The following ZNF28 variants were observed in gnomAD, a reference collection of about 807,000 sequenced individuals.
ZNF28 encodes zinc finger protein 28, also known as zinc finger protein KOX24.
Under a neutral mutation model 7.2 loss-of-function variants are expected in ZNF28, and 5 were observed. That is an observed-to-expected ratio of 0.70 (90% CI 0.36 to 1.46). The LOEUF (loss-of-function observed/expected upper bound fraction) is 1.46. Ranked by LOEUF, ZNF28 falls within the 40% of genes most tolerant of loss-of-function variation. The pLI, the probability that ZNF28 is intolerant of heterozygous loss-of-function variation, is 0.03. For missense variants in ZNF28, 879 were observed against 866.6 expected (o/e 1.01, Z -0.18); for synonymous variants, 288 against 292.4 (o/e 0.99, Z 0.15).
rs113446889 is a variant in ZNF28 at position 52,801,104 on chromosome 19, T to A, written c.741A>T (p.Val247=). 8.1e-6 allele frequency: 13 copies of A among 1,614,074 alleles called. No individual in the cohort carries two copies. In the African/African-American group the frequency reaches 1.6e-4, roughly 20 times the overall value. Residue 247 remains valine, a synonymous_variant, in exon 4 of 4, where the codon GTA becomes GTT. Coordinates refer to ENST00000457749, the MANE Select transcript of ZNF28 (RefSeq NM_006969.5). ...GCTTCTGATTAAATACCTTGCCATATACATCACATTTACATTGTTTCTCTT... is the reference window on the plus strand; with the variant it reads ...GCTTCTGATTAAATACCTTGCCATAAACATCACATTTACATTGTTTCTCTT... ...HLEEKQCKCD[V]YGKVFNQKRY...
intron 2 of ZNF28, among the ~76,000 whole-genome samples, chr19:52,809,449 GAAGAA>G (rs957551896): frequency 1.1e-3 from 161 of 152,182 alleles, no homozygotes; most frequent in African/African-American, 3.5e-3. Flanking sequence ...GGAACACAAA[GAAGAA>G]AATAGACACT....
chr19:52,817,229 G>A (rs2063138101), intron 2 of ZNF28, among the ~76,000 whole-genome samples: 2 of 152,136 alleles, frequency 1.3e-5, no homozygotes, highest in South Asian at 4.1e-4. Context: ...AAAATTAGCT[G>A]AGCATGGTGG....
intron 3 of ZNF28, 120 bp downstream of exon 3, chr19:52,807,887 G>A: frequency 6.7e-7 from 1 of 1,486,602 alleles, no homozygotes. Flanking sequence ...ACATCATGAA[G>A]CTTTTCATTT....
chr19:52,804,454 T>TC (rs1033530561), intron 3 of ZNF28, among the ~76,000 whole-genome samples: 1 of 152,098 alleles, frequency 6.6e-6, no homozygotes, highest in African/African-American at 2.4e-5. Context: ...CACTGCAACC[T>TC]CCACCTCCTG....
At chr19:52,819,330 TACAG>T (rs2063166120) in intron 1 of ZNF28, among the ~76,000 whole-genome samples, 2 of 144,352 alleles carry the variant, frequency 1.4e-5, no homozygotes, top group South Asian at 2.3e-4. Context: ...GATATTCTAA[TACAG>T]ACAAAGTCCT....
rs538695715 is a variant in ZNF28, at chr19:52,802,379, A to C, written c.143-677T>G. Reference sequence around the variant, plus strand: ...TGAGCCTCCATCTCAAAAAAACAAAAAAACAAACAACAAAAAAAGGCAGGG... The same window carrying C: ...TGAGCCTCCATCTCAAAAAAACAAACAAACAAACAACAAAAAAAGGCAGGG... On this transcript the variant is annotated intron_variant, in intron 3 of 3. Coordinates refer to ENST00000457749, the MANE Select transcript of ZNF28 (RefSeq NM_006969.5). Among the ~76,000 whole-genome samples, 239 of 33,094 alleles carry C rather than the reference A, an allele frequency of 7.2e-3. 1 individual carries two copies. Among genetic ancestry groups the C allele is most frequent in the African/African-American group, 0.025 (216 of 8,722 alleles). The allele number at this position is 33,094 out of a possible 152,430, so 21.7% of individuals were successfully genotyped here. A position where few individuals can be genotyped will look rare whatever the true frequency, so the allele number is the denominator to read the frequency against.
Position 52,801,131 on chromosome 19 carries a change from T to C in ZNF28, c.714A>G (p.Leu238=), listed in dbSNP as rs1332438251. The change falls in exon 4 of 4, where the codon TTA becomes TTG. Residue 238 remains leucine (L), a synonymous_variant. Transcript: ENST00000457749. The part of the protein sequence containing the change: ...SLLKKHQITH[L]EEKQCKCDVY... Reference sequence around the variant, plus strand: ...CATCACATTTACATTGTTTCTCTTCTAAGTGGGTTATCTGATGTTTTTTTA... The same window carrying C: ...CATCACATTTACATTGTTTCTCTTCCAAGTGGGTTATCTGATGTTTTTTTA... The C allele has an allele frequency of 1.1e-5, 17 of 1,614,144 alleles. No individual in the cohort carries two copies. Among genetic ancestry groups the C allele is most frequent in the Non-Finnish European group, 1.4e-5 (17 of 1,179,996 alleles).
rs561674495 is a variant in ZNF28 at position 52,810,496 on chromosome 19, A to G, written c.16-2363T>C. The G allele has an allele frequency of 4.5e-5, 71 of 1,586,006 alleles. 1 individual carries two copies. The South Asian group carries it at 7.4e-4, about 17-fold the overall frequency. The stretch of plus-strand genomic sequence containing the variant: ...CTTCCTTGGCCTTGGATGAGTCCCT[A>G]TTTAGAGGAAGGCAAATCAAGGTGA... On this transcript the variant is annotated intron_variant, in intron 2 of 3. Coordinates refer to ENST00000457749, the MANE Select transcript of ZNF28 (RefSeq NM_006969.5).
intron 2 of ZNF28, among the ~76,000 whole-genome samples, chr19:52,815,388 G>C (rs901616224): frequency 6.9e-6 from 1 of 145,024 alleles, no homozygotes; most frequent in African/African-American, 2.7e-5. Context: ...ATAGTGGCAA[G>C]CACCTGTAGT....
At position 52,816,288 on chromosome 19, in the gene ZNF28, G is replaced by C. The variant is rs139323356; in HGVS notation, c.15+1656C>G. Reference sequence around the variant, plus strand: ...AATCCCAACACTCTTGGGGGCTGAGGCAGGCAGACCACCTGAGGTTAGGAG... The same window carrying C: ...AATCCCAACACTCTTGGGGGCTGAGCCAGGCAGACCACCTGAGGTTAGGAG... On this transcript the variant is annotated intron_variant, in intron 2 of 3. Transcript: ENST00000457749. Among the ~76,000 whole-genome samples, 315 of 147,268 alleles carry C rather than the reference G, an allele frequency of 2.1e-3. 46 individuals carry two copies. Among genetic ancestry groups the C allele is most frequent in the African/African-American group, 7.9e-3 (303 of 38,204 alleles).
At chr19:52,817,508 A>C (rs978946950) in intron 2 of ZNF28, among the ~76,000 whole-genome samples, 2 of 152,208 alleles carry the variant, frequency 1.3e-5, no homozygotes, top group African/African-American at 4.8e-5. Context: ...GTATAAAATC[A>C]GGGAGAAAAG....
At chr19:52,808,567 G>C (rs939984662) in intron 2 of ZNF28, among the ~76,000 whole-genome samples, 5 of 151,458 alleles carry the variant, frequency 3.3e-5, no homozygotes, top group African/African-American at 1.2e-4. Flanking sequence ...CTGGGAGGCA[G>C]AGGTTGCAGA....
chr19:52,818,882 T>C (rs1257702281), intron 1 of ZNF28, among the ~76,000 whole-genome samples: 3 of 73,374 alleles, frequency 4.1e-5, no homozygotes, highest in African/African-American at 1.6e-4. Context: ...AGAGTCTGTT[T>C]GGGAAAAAAA....
intron 1 of ZNF28, among the ~76,000 whole-genome samples, chr19:52,821,008 C>T (rs770538222): frequency 1.3e-4 from 20 of 152,088 alleles, no homozygotes; most frequent in Non-Finnish European, 2.5e-4. Context: ...TGGAGCTGGG[C>T]GGGCAAGAAC....
At chr19:52,815,550 C>T (rs112041507) in intron 2 of ZNF28, among the ~76,000 whole-genome samples, 8 of 145,642 alleles carry the variant, frequency 5.5e-5, no homozygotes, top group South Asian at 2.3e-4. Context: ...ACTGTCTGGG[C>T]GTGGTGGCTC....
In ZNF28 at chr19:52,798,697, T is replaced by C; in HGVS notation, c.*991A>G. 1 of 452,500 alleles carries C rather than the reference T, an allele frequency of 2.2e-6. No individual in the cohort carries two copies. Among genetic ancestry groups the C allele is most frequent in the Admixed American group, 2.6e-5 (1 of 38,796 alleles). The allele number at this position is 452,500 out of a possible 1,614,324, so 28.0% of individuals were successfully genotyped here. On this transcript the variant is annotated 3_prime_UTR_variant, in exon 4 of 4. Transcript: ENST00000457749. ...AATCATGACATTTATAAGGTTTCTC[T>C]CCAGCATGAGTTCGATGATGAATAG...
At chr19:52,818,277 A>G (rs558232268) in intron 1 of ZNF28, among the ~76,000 whole-genome samples, 2 of 152,234 alleles carry the variant, frequency 1.3e-5, no homozygotes, top group East Asian at 3.9e-4. Context: ...TACCATAAAT[A>G]CAAAAACTTA....
At chr19:52,808,516 A>G (rs1209736803) in intron 2 of ZNF28, among the ~76,000 whole-genome samples, 2 of 152,150 alleles carry the variant, frequency 1.3e-5, no homozygotes, top group Non-Finnish European at 2.9e-5. Context: ...ACATGTCTGT[A>G]ATCCCAGCTA....
At chr19:52,810,496 ATT>A in intron 2 of ZNF28, 2 of 1,586,006 alleles carry the variant, frequency 1.3e-6, no homozygotes, top group Non-Finnish European at 1.7e-6. Context: ...ATGAGTCCCT[ATT>A]TAGAGGAAGG....
Sources: allele counts gnomAD v4.1 joint callset (sites outside exome capture counted in the v4.1 genomes callset), GRCh38; gene constraint gnomAD v4.1.1; transcripts MANE v1.5; gene names NCBI Gene and HGNC (gene_info 2026-07-23, HGNC 2026-07-21).